EML4: variants seen among roughly 807,000 people sequenced by gnomAD.
EML4 encodes the protein EMAP like 4.
In EML4, 72 loss-of-function variants were observed where a neutral mutation model predicts 129.0. The ratio of observed to expected loss-of-function variants is 0.56; its 90% confidence interval spans 0.46 to 0.68. The LOEUF (loss-of-function observed/expected upper bound fraction) is 0.68. EML4 is among the 30% of genes least tolerant of loss of function. The pLI is 0.00. For synonymous variants in EML4, 532 were observed against 405.0 expected, an observed-to-expected ratio of 1.31 and a Z score of -3.77; for missense variants, 1,363 against 1,190.6, an observed-to-expected ratio of 1.14 and a Z score of -2.13.
Position 42,249,293 on chromosome 2 carries a change from A to ATTTTTT in EML4, c.208+3607_208+3612dup, listed in dbSNP as rs10699779. Among the ~76,000 whole-genome samples, 211 of 151,352 alleles carry ATTTTTT rather than the reference A, an allele frequency of 1.4e-3. 1 individual carries two copies. The highest frequency in any genetic ancestry group is 4.3e-3 in the African/African-American group (178 of 41,234). On this transcript the variant is annotated intron_variant, in intron 2 of 22. Coordinates refer to ENST00000318522, the MANE Select transcript of EML4 (RefSeq NM_019063.5). ...TATACTATAGACAGTTTTATGTGTGATTTTTTAGCCCCTGTGAAATTAGAA... is the reference window on the plus strand; with the variant it reads ...TATACTATAGACAGTTTTATGTGTGATTTTTTTTTTTTAGCCCCTGTGAAATTAGAA...
At chr2:42,227,741 T>G (rs1335010284) in intron 1 of EML4, among the ~76,000 whole-genome samples, 4 of 152,224 alleles carry the variant, frequency 2.6e-5, no homozygotes, top group Non-Finnish European at 4.4e-5. Flanking sequence ...AGCTGAAGAC[T>G]TTTATGAACA....
intron 1 of EML4, among the ~76,000 whole-genome samples, chr2:42,240,169 A>G (rs542051878): frequency 5.8e-4 from 89 of 152,316 alleles, no homozygotes; most frequent in Non-Finnish European, 1.1e-3. Context: ...TATGTTCCTT[A>G]TAACACTGGA....
At chr2:42,191,539 T>C (rs886401553) in intron 1 of EML4, among the ~76,000 whole-genome samples, 28 of 152,042 alleles carry the variant, frequency 1.8e-4, no homozygotes, top group African/African-American at 6.8e-4. Flanking sequence ...TTTAGAAAAA[T>C]AGGAGGGAGA....
intron 1 of EML4, among the ~76,000 whole-genome samples, chr2:42,178,385 A>C (rs1321128362): frequency 6.6e-6 from 1 of 151,832 alleles, no homozygotes; most frequent in African/African-American, 2.4e-5. Flanking sequence ...TCTACCAAAA[A>C]AAAAAAACAA....
chr2:42,268,637 T>G (rs1439257647), intron 6 of EML4, among the ~76,000 whole-genome samples: 2 of 152,082 alleles, frequency 1.3e-5, no homozygotes, highest in African/African-American at 4.8e-5. Context: ...AGGGTGTCAC[T>G]GTGTTTCCCA....
Position 42,301,298 on chromosome 2 carries a change from G to A in EML4, c.1547G>A (p.Cys516Tyr). 1.2e-6 allele frequency: 2 copies of A among 1,613,324 alleles called. No homozygotes were observed. The highest frequency in any genetic ancestry group is 1.7e-5 in the Admixed American group (1 of 59,934). ...KAHDGSVFTLCQMRNGMLLTG... is the reference protein window; with the variant it reads ...KAHDGSVFTLYQMRNGMLLTG... ...CATGATGGCAGTGTGTTCACACTTT[G>A]TCAGATGAGAAATGGGATGTTATTA... The change falls in exon 14 of 23, where the codon TGT (cysteine) becomes TAT (tyrosine). Residue 516 changes from cysteine (C) to tyrosine (Y), a missense_variant. Coordinates refer to ENST00000318522, the MANE Select transcript of EML4 (RefSeq NM_019063.5).
At chr2:42,250,699 G>A (rs1675710508) in intron 2 of EML4, among the ~76,000 whole-genome samples, 1 of 152,114 alleles carries the variant, frequency 6.6e-6, no homozygotes, top group Non-Finnish European at 1.5e-5. Context: ...TTGGCACTAG[G>A]GACTGGTTTC....
chr2:42,317,637 CTG>C, intron 19 of EML4, 113 bp downstream of exon 19: 1 of 676,594 alleles, frequency 1.5e-6, no homozygotes, highest in Non-Finnish European at 2.5e-6. Flanking sequence ...GCTTTAATCT[CTG>C]TCTTTGAAAA....
chr2:42,316,982 T>C (rs947919334), intron 18 of EML4, among the ~76,000 whole-genome samples: 10 of 152,218 alleles, frequency 6.6e-5, no homozygotes, highest in Non-Finnish European at 1.2e-4. Flanking sequence ...GTGGACTTTA[T>C]TGACCATTTG....
intron 1 of EML4, among the ~76,000 whole-genome samples, chr2:42,229,551 A>G (rs1674189129): frequency 6.6e-6 from 1 of 152,178 alleles, no homozygotes; most frequent in African/African-American, 2.4e-5. Context: ...AGAGTCACCC[A>G]TTCACCACGA....
chr2:42,268,706 A>G (rs1438361560), intron 6 of EML4, among the ~76,000 whole-genome samples: 4 of 152,210 alleles, frequency 2.6e-5, no homozygotes, highest in Admixed American at 6.5e-5. Context: ...CCAAAGCGTT[A>G]GGATTATAGC....
intron 1 of EML4, among the ~76,000 whole-genome samples, chr2:42,190,898 TC>T (rs952767897): frequency 1.3e-5 from 2 of 152,208 alleles, no homozygotes; most frequent in Non-Finnish European, 2.9e-5. Flanking sequence ...CTCATTTTTT[TC>T]CCCAAACATT....
At chr2:42,191,621 C>A (rs1356304364) in intron 1 of EML4, among the ~76,000 whole-genome samples, 1 of 152,006 alleles carries the variant, frequency 6.6e-6, no homozygotes, top group Non-Finnish European at 1.5e-5. Flanking sequence ...AATTAGCCAC[C>A]CCAAATTGTG....
At chr2:42,278,286 A>G (rs957016074) in intron 6 of EML4, among the ~76,000 whole-genome samples, 13 of 152,124 alleles carry the variant, frequency 8.5e-5, no homozygotes, top group Admixed American at 5.9e-4. Flanking sequence ...CTAAGAAACA[A>G]TTGCGGCCGC....
At chr2:42,319,177 G>A (rs1454533068) in intron 19 of EML4, among the ~76,000 whole-genome samples, 1 of 152,216 alleles carries the variant, frequency 6.6e-6, no homozygotes, top group Non-Finnish European at 1.5e-5. Context: ...CGTAATGGCA[G>A]ATCAAGGACT....
intron 1 of EML4, among the ~76,000 whole-genome samples, chr2:42,244,101 G>GTT (rs147426155): frequency 0.066 from 5,329 of 81,142 alleles, 442 homozygotes; most frequent in African/African-American, 0.17. Flanking sequence ...TTTGTTTTTT[G>GTT]TTTTTTTTTT....
intron 1 of EML4, among the ~76,000 whole-genome samples, chr2:42,210,663 A>C (rs937641112): frequency 6.6e-6 from 1 of 152,150 alleles, no homozygotes; most frequent in East Asian, 1.9e-4. Flanking sequence ...TATTTATTTC[A>C]GTATGGACTC....
At chr2:42,253,002 G>C (rs1343078187) in intron 2 of EML4, among the ~76,000 whole-genome samples, 2 of 152,072 alleles carry the variant, frequency 1.3e-5, no homozygotes, top group Non-Finnish European at 2.9e-5. Flanking sequence ...CATAAGAGTA[G>C]GATTATAATT....
At chr2:42,307,020 A>T (rs2103745149) in intron 17 of EML4, among the ~76,000 whole-genome samples, 1 of 152,302 alleles carries the variant, frequency 6.6e-6, no homozygotes, top group South Asian at 2.1e-4. Flanking sequence ...TTTATCTTTG[A>T]CAATTAAATC....
Sources: allele counts gnomAD v4.1 joint callset (sites outside exome capture counted in the v4.1 genomes callset), GRCh38; gene constraint gnomAD v4.1.1; transcripts MANE v1.5; gene names NCBI Gene and HGNC (gene_info 2026-07-23, HGNC 2026-07-21).